FOXP2: variants seen among roughly 807,000 people sequenced by gnomAD.
The protein encoded by FOXP2 is forkhead box protein P2.
A neutral mutation model predicts 115.8 loss-of-function variants in FOXP2; 12 were observed. The ratio of observed to expected loss-of-function variants is 0.10; its 90% CI spans 0.07 to 0.17. FOXP2 has a LOEUF of 0.17. Among genes scored for constraint, FOXP2 ranks in the 10% least tolerant of loss-of-function variants. The probability of loss-of-function intolerance (pLI) is 1.00; values close to 1 mark genes in which losing one functional copy is unlikely to be tolerated. For missense variants in FOXP2, 629 were observed against 843.5 expected (o/e 0.75, Z 3.15); for synonymous variants, 328 against 297.7 (o/e 1.10, Z -1.05).
At chr7:114,625,652 A>G (rs1375643441) in intron 3 of FOXP2, among the ~76,000 whole-genome samples, 1 of 151,818 alleles carries the variant, frequency 6.6e-6, no homozygotes, top group Non-Finnish European at 1.5e-5. Context: ...AGAAGAGGAA[A>G]TGTGTCGCTT....
chr7:114,256,821 C>T lies in FOXP2; in HGVS notation c.-101-31198C>T, dbSNP rs543804007. On this transcript the variant is annotated intron_variant, in intron 1 of 17. Transcript: ENST00000634411. ...GGGTACAAACAAATGGAAAAACATT[C>T]CATGCTCATGGATAGAAAGAATCAA... Among the ~76,000 whole-genome samples, 12 of 152,286 alleles carry T rather than the reference C, an allele frequency of 7.9e-5. No homozygotes were observed. In the South Asian group the frequency reaches 2.5e-3, roughly 32 times the overall value.
chr7:114,670,331 TA>T (rs1807429281), intron 16 of FOXP2, among the ~76,000 whole-genome samples: 1 of 152,056 alleles, frequency 6.6e-6, no homozygotes, highest in Non-Finnish European at 1.5e-5. Context: ...TGAGGTGTCA[TA>T]TAAAATGAGT....
chr7:114,253,761 G>A (rs1334232365), intron 1 of FOXP2, among the ~76,000 whole-genome samples: 2 of 152,160 alleles, frequency 1.3e-5, no homozygotes, highest in African/African-American at 4.8e-5. Context: ...GTCAGTCTGT[G>A]TATTTTAATT....
intron 1 of FOXP2, among the ~76,000 whole-genome samples, chr7:114,264,402 A>G (rs1380965094): frequency 6.6e-6 from 1 of 152,178 alleles, no homozygotes; most frequent in Non-Finnish European, 1.5e-5. Context: ...ACTTACTGTT[A>G]CTATGCCATT....
intron 2 of FOXP2, among the ~76,000 whole-genome samples, chr7:114,332,181 A>G (rs1462426766): frequency 6.6e-6 from 1 of 152,066 alleles, no homozygotes; most frequent in African/African-American, 2.4e-5. Context: ...ATTGCCAATG[A>G]TGGCAGTAAA....
At chr7:114,666,037 T>C (rs960542425) in intron 16 of FOXP2, 3 of 152,102 alleles carry the variant, frequency 2.0e-5, no homozygotes, top group Non-Finnish European at 4.4e-5. Flanking sequence ...GTTTATGAAA[T>C]ATTTCAGAGA....
intron 2 of FOXP2, among the ~76,000 whole-genome samples, chr7:114,484,868 T>C (rs1796708218): frequency 6.6e-6 from 1 of 151,950 alleles, no homozygotes; most frequent in Non-Finnish European, 1.5e-5. Flanking sequence ...CTTTTTGGGT[T>C]ATTTTTTAAT....
intron 1 of FOXP2, among the ~76,000 whole-genome samples, chr7:114,258,931 A>G (rs113269040): frequency 0.022 from 3,420 of 152,248 alleles, 58 homozygotes; most frequent in Middle Eastern, 0.034. Flanking sequence ...TCGATTTCCT[A>G]TGGGGATGTG....
intron 3 of FOXP2, among the ~76,000 whole-genome samples, chr7:114,618,864 G>A (rs1363912857): frequency 6.6e-6 from 1 of 152,084 alleles, no homozygotes; most frequent in African/African-American, 2.4e-5. Flanking sequence ...GTCTCTTGAA[G>A]GGGAAGTTCA....
chr7:114,328,429 G>C (rs971593235), intron 2 of FOXP2, among the ~76,000 whole-genome samples: 2 of 151,754 alleles, frequency 1.3e-5, no homozygotes, highest in Non-Finnish European at 2.9e-5. Flanking sequence ...GTAGAGACAG[G>C]GTTTCACCGT....
At chr7:114,172,153 C>G (rs1793161556) in intron 1 of FOXP2, among the ~76,000 whole-genome samples, 1 of 152,148 alleles carries the variant, frequency 6.6e-6, no homozygotes, top group South Asian at 2.1e-4. Context: ...CTATTGCATA[C>G]TTAATCTACT....
At chr7:114,198,835 T>C (rs1172957706) in intron 1 of FOXP2, among the ~76,000 whole-genome samples, 1 of 152,126 alleles carries the variant, frequency 6.6e-6, no homozygotes, top group Non-Finnish European at 1.5e-5. Context: ...GAAATTGGGA[T>C]CTGGCAAATT....
chr7:114,398,376 TA>T (rs895208487), intron 2 of FOXP2, among the ~76,000 whole-genome samples: 2 of 152,020 alleles, frequency 1.3e-5, no homozygotes, highest in African/African-American at 4.8e-5. Flanking sequence ...TCAGATTATA[TA>T]AAAATGAAAT....
intron 2 of FOXP2, among the ~76,000 whole-genome samples, chr7:114,406,954 T>C (rs967468800): frequency 1.3e-4 from 19 of 151,916 alleles, no homozygotes; most frequent in African/African-American, 4.6e-4. Context: ...TTTTGAGAAG[T>C]TTATGTCTGC....
chr7:114,429,201 C>T (rs997301010), intron 2 of FOXP2, among the ~76,000 whole-genome samples: 4 of 151,170 alleles, frequency 2.6e-5, no homozygotes, highest in Admixed American at 6.6e-5. Flanking sequence ...CTTAATGATA[C>T]GTGGATAGGT....
chr7:114,438,557 G>A (rs1794454936), intron 2 of FOXP2, among the ~76,000 whole-genome samples: 1 of 151,698 alleles, frequency 6.6e-6, no homozygotes, highest in Non-Finnish European at 1.5e-5. Context: ...ATAACAACTA[G>A]TTTTGAAACA....
At chr7:114,495,483 C>CTCTTTTTTTTTTTTTTTTTTTTTTTTTT (rs776653007) in intron 2 of FOXP2, among the ~76,000 whole-genome samples, 1 of 61,446 alleles carries the variant, frequency 1.6e-5, no homozygotes. Context: ...TTCTCTCTCT[C>CTCTTTTTTTTTTTTTTTTTTTTTTTTTT]TTTTTTTTTT....
intron 1 of FOXP2, among the ~76,000 whole-genome samples, chr7:114,189,812 T>C (rs1793710057): frequency 6.6e-6 from 1 of 152,198 alleles, no homozygotes; most frequent in South Asian, 2.1e-4. Flanking sequence ...CCAGTAAGAA[T>C]TCATGATATT....
At chr7:114,295,867 C>T (rs1038977315) in intron 2 of FOXP2, among the ~76,000 whole-genome samples, 6 of 152,096 alleles carry the variant, frequency 3.9e-5, no homozygotes, top group African/African-American at 1.4e-4. Flanking sequence ...CTGCAGCTCA[C>T]AGCACAGTAG....
Sources: allele counts gnomAD v4.1 joint callset (sites outside exome capture counted in the v4.1 genomes callset), GRCh38; gene constraint gnomAD v4.1.1; transcripts MANE v1.5; gene names NCBI Gene and HGNC (gene_info 2026-07-23, HGNC 2026-07-21).